Variants in SEC63 observed in about 807,000 individuals in gnomAD.
SEC63 encodes the protein SEC63 protein translocation regulator.
A neutral mutation model predicts 116.2 loss-of-function variants in SEC63; 56 were observed. That is an observed-to-expected ratio of 0.48 (90% confidence interval 0.39 to 0.60). The LOEUF is 0.60. Among genes scored for constraint, SEC63 ranks in the 20% least tolerant of loss-of-function variants. SEC63 has a pLI of 0.00. For missense variants in SEC63, 668 were observed against 900.0 expected (o/e 0.74, Z 3.30); for synonymous variants, 273 against 294.6 (o/e 0.93, Z 0.75).
rs561815889 is a variant in SEC63, at chr6:107,901,287, T to C, written c.1357+83A>G. ...TAACAAGTTATGTTATTAAGTACAG[T>C]GTTTTGAGAATCCTGAGTCAAATAA... is the stretch of plus-strand genomic sequence containing the variant. On this transcript the variant is annotated intron_variant, in intron 13 of 20. Transcript: ENST00000369002. The C allele has an allele frequency of 5.7e-5, 74 of 1,292,384 alleles. 1 individual carries two copies. The South Asian group carries it at 8.5e-4, about 15-fold the overall frequency. The allele number at this position is 1,292,384 out of a possible 1,614,324, so 80.1% of individuals were successfully genotyped here. A position where few individuals can be genotyped will look rare whatever the true frequency, so the allele number is the denominator to read the frequency against.
intron 7 of SEC63, among the ~76,000 whole-genome samples, chr6:107,909,911 G>A (rs1787236021): frequency 1.3e-5 from 2 of 152,106 alleles, no homozygotes; most frequent in Non-Finnish European, 2.9e-5. Flanking sequence ...CAAATTGTAT[G>A]GTATCTCCGT....
chr6:107,929,596 T>C (rs1583764153), intron 1 of SEC63, 82 bp from the exon 2 acceptor site: 2 of 779,366 alleles, frequency 2.6e-6, no homozygotes, highest in East Asian at 5.0e-5. Flanking sequence ...TAACTAACCT[T>C]CATTACCACG....
chr6:107,881,259 CA>C lies in SEC63; in HGVS notation c.1834-10del. ...TGTAATTCTTGCCACTCCTAGTAAA[CA>C]AAAAAATTAAAATATTTAAAATCTA... On this transcript the variant is annotated splice_polypyrimidine_tract_variant and intron_variant, in intron 17 of 20. Transcript: ENST00000369002. 9 of 1,573,854 alleles carry C rather than the reference CA, an allele frequency of 5.7e-6. No homozygotes were observed. Among genetic ancestry groups the C allele is most frequent in the Non-Finnish European group, 7.9e-6 (9 of 1,145,442 alleles).
At chr6:107,877,648 C>T (rs1162263801) in intron 18 of SEC63, among the ~76,000 whole-genome samples, 1 of 152,108 alleles carries the variant, frequency 6.6e-6, no homozygotes, top group Non-Finnish European at 1.5e-5. Context: ...ATTTATGTTG[C>T]CCTGGCTGGT....
chr6:107,932,976 G>A (rs927890349), intron 1 of SEC63, among the ~76,000 whole-genome samples: 8 of 151,904 alleles, frequency 5.3e-5, no homozygotes, highest in South Asian at 2.1e-4. Context: ...ATACTATCTC[G>A]AATGACAAAA....
chr6:107,921,901 T>A lies in SEC63; in HGVS notation c.348A>T (p.Thr116=). 1 of 1,536,548 alleles carries A rather than the reference T, an allele frequency of 6.5e-7. No individual in the cohort carries two copies. The highest frequency in any genetic ancestry group is 8.8e-7 in the Non-Finnish European group (1 of 1,136,684). ...GATATTGTTTTTTAATTTCTGCTAC[T>A]GTGGCTCCCTGGGGAAAAACAAAAA... ...YEVLNLDPGA[T]VAEIKKQYRL... The change falls in exon 4 of 21, where the codon ACA becomes ACT. Residue 116 remains threonine, a synonymous_variant. Transcript: ENST00000369002.
At chr6:107,942,023 G>A (rs995922720) in intron 1 of SEC63, among the ~76,000 whole-genome samples, 6 of 152,208 alleles carry the variant, frequency 3.9e-5, no homozygotes, top group East Asian at 1.9e-4. Context: ...ACATTTCCCC[G>A]TGTTTAGATC....
intron 1 of SEC63, among the ~76,000 whole-genome samples, chr6:107,935,254 GCCCCTCTGCCCGGCCACCAC>G (rs1404828858): frequency 6.6e-6 from 1 of 151,710 alleles, no homozygotes; most frequent in African/African-American, 2.4e-5. Flanking sequence ...GAAGTGAGGA[GCCCCTCTGCCCGGCCACCAC>G]CCCGTCTGGG....
At chr6:107,904,280 C>G (rs543692089) in intron 11 of SEC63, among the ~76,000 whole-genome samples, 3 of 141,678 alleles carry the variant, frequency 2.1e-5, no homozygotes, top group Non-Finnish European at 4.6e-5. Context: ...TGTGGTGGTA[C>G]GCGCCTGTAA....
intron 1 of SEC63, among the ~76,000 whole-genome samples, chr6:107,953,576 G>GA (rs1770626848): frequency 7.0e-6 from 1 of 143,400 alleles, no homozygotes; most frequent in African/African-American, 2.6e-5. Context: ...AGGTGGGGGG[G>GA]TCAGCCCCCC....
chr6:107,925,711 TAAAG>T (rs1380371435), intron 2 of SEC63, among the ~76,000 whole-genome samples: 1 of 152,204 alleles, frequency 6.6e-6, no homozygotes, highest in Non-Finnish European at 1.5e-5. Context: ...TTAAAAGCCC[TAAAG>T]AAATACATAC....
intron 1 of SEC63, among the ~76,000 whole-genome samples, chr6:107,934,595 C>T (rs13196224): frequency 4.7e-5 from 7 of 148,554 alleles, no homozygotes; most frequent in Non-Finnish European, 9.0e-5. Context: ...CGTCTCCGCC[C>T]GGCAGCCACC....
At chr6:107,877,071 G>GTGTATATATATATATATATATA (rs1409286259) in intron 18 of SEC63, 156 of 34,502 alleles carry the variant, frequency 4.5e-3, no homozygotes, top group African/African-American at 0.014. Flanking sequence ...ATATGTGTGT[G>GTGTATATATATATATATATATA]TATATATATA....
At chr6:107,887,468 AATC>A (rs1490124927) in intron 16 of SEC63, among the ~76,000 whole-genome samples, 3 of 147,600 alleles carry the variant, frequency 2.0e-5, no homozygotes, top group Non-Finnish European at 4.5e-5. Flanking sequence ...TGAAATTGGA[AATC>A]ATCATTCTCA....
chr6:107,917,178 C>T (rs999119700), intron 4 of SEC63, among the ~76,000 whole-genome samples: 2 of 152,252 alleles, frequency 1.3e-5, no homozygotes, highest in African/African-American at 4.8e-5. Flanking sequence ...CTGCAGTTAA[C>T]TAGCCCAACC....
At chr6:107,955,550 C>A (rs545613107) in intron 1 of SEC63, among the ~76,000 whole-genome samples, 1 of 152,334 alleles carries the variant, frequency 6.6e-6, no homozygotes, top group South Asian at 2.1e-4. Flanking sequence ...ACCTAAACTA[C>A]CACCACTTTT....
intron 8 of SEC63, 95 bp downstream of exon 8, chr6:107,908,832 G>T: frequency 1.4e-6 from 1 of 705,628 alleles, no homozygotes; most frequent in Non-Finnish European, 2.5e-6. Flanking sequence ...CTGTACAATA[G>T]AATCTCAACA....
At chr6:107,955,007 G>A (rs907711166) in intron 1 of SEC63, among the ~76,000 whole-genome samples, 4 of 152,172 alleles carry the variant, frequency 2.6e-5, no homozygotes, top group Non-Finnish European at 4.4e-5. Context: ...GCAGAGAGCC[G>A]GATGTAAAAC....
chr6:107,937,200 G>A (rs1009485492), intron 1 of SEC63, among the ~76,000 whole-genome samples: 2 of 141,086 alleles, frequency 1.4e-5, no homozygotes, highest in African/African-American at 5.3e-5. Flanking sequence ...TCAGCTCATT[G>A]CAACCTCCAC....
Sources: gnomAD v4.1 joint callset for allele counts (sites outside exome capture counted in the v4.1 genomes callset) on GRCh38, gnomAD v4.1.1 for gene constraint, MANE v1.5 for transcripts, NCBI Gene and HGNC (gene_info 2026-07-23, HGNC 2026-07-21) for gene names.